Variants in PCYT1B observed in about 807,000 individuals in gnomAD.
The protein encoded by PCYT1B is choline-phosphate cytidylyltransferase B.
In PCYT1B, 10 loss-of-function variants were observed where a neutral mutation model predicts 26.4. The observed-to-expected ratio is 0.38, with a 90% CI of 0.23 to 0.64. The LOEUF is 0.64. Among genes scored for constraint, PCYT1B ranks in the 30% least tolerant of loss-of-function variants. The pLI is 0.56. For synonymous variants in PCYT1B, 131 were observed against 108.4 expected (o/e 1.21, Z -1.29); for missense variants, 161 against 292.7 (o/e 0.55, Z 3.28).
exon 1 of PCYT1B, chrX:24,672,652 A>G (rs1378236049): frequency 8.5e-7 from 1 of 1,170,149 alleles, no homozygotes; most frequent in Non-Finnish European, 1.2e-6. Flanking sequence ...TGATCTTTTT[A>G]TCTTCTCTAG....
At chrX:24,569,362 C>A (rs770791961) in intron 7 of PCYT1B, among the ~76,000 whole-genome samples, 28 of 110,387 alleles carry the variant, frequency 2.5e-4, no homozygotes, top group African/African-American at 9.2e-4. Flanking sequence ...TAAAACTGTG[C>A]GGCCACTATG....
intron 1 of PCYT1B, among the ~76,000 whole-genome samples, chrX:24,653,755 C>CTT (rs761800393): frequency 9.9e-6 from 1 of 100,847 alleles, no homozygotes. Context: ...CCATAAAATT[C>CTT]TTTTTTTTTT....
At chrX:24,640,204 A>G (rs1926422193) in intron 1 of PCYT1B, among the ~76,000 whole-genome samples, 1 of 111,341 alleles carries the variant, frequency 9.0e-6, no homozygotes, top group South Asian at 3.8e-4. Flanking sequence ...ACTGCCATCC[A>G]GCCTCCGCTC....
intron 1 of PCYT1B, among the ~76,000 whole-genome samples, chrX:24,635,867 G>A (rs1926252659): frequency 8.9e-6 from 1 of 111,961 alleles, no homozygotes; most frequent in Non-Finnish European, 1.9e-5. Context: ...CTGATGCAAA[G>A]GCTCTGGGTC....
rs1309205644 is a variant in PCYT1B, at chrX:24,559,412, AAGAAAAAG to A, written c.*2873_*2880del. The A allele has an allele frequency of 3.8e-5, 2 of 53,009 alleles. No homozygotes were observed. Among genetic ancestry groups the A allele is most frequent in the Non-Finnish European group, 7.9e-5 (2 of 25,341 alleles). 4.4% of individuals were successfully genotyped at this position (53,009 alleles called of 1,213,427 possible). On this transcript the variant is annotated 3_prime_UTR_variant, in exon 8 of 8. Coordinates refer to ENST00000379144, the MANE Select transcript of PCYT1B (RefSeq NM_004845.5). Reference sequence around the variant, plus strand: ...GAAAAAGAAAGAAAGAAAAAGAGGAAAGAAAAAGAGAAAGAAGAAAGAAAAAGAAAGAG... The same window carrying A: ...GAAAAAGAAAGAAAGAAAAAGAGGAAAGAAAGAAGAAAGAAAAAGAAAGAG...
chrX:24,566,183 C>T (rs1923623268), intron 7 of PCYT1B, among the ~76,000 whole-genome samples: 1 of 111,913 alleles, frequency 8.9e-6, no homozygotes, highest in Non-Finnish European at 1.9e-5. Flanking sequence ...GATGCAAAAA[C>T]TTCTATTTTC....
intron 1 of PCYT1B, among the ~76,000 whole-genome samples, chrX:24,637,491 A>AAATATATATATATATATATAT: frequency 1.9e-5 from 1 of 52,894 alleles, no homozygotes; most frequent in Non-Finnish European, 2.9e-5. Flanking sequence ...AAAAAAAAAA[A>AAATATATATATATATATATAT]ATATATATAT....
intron 1 of PCYT1B, among the ~76,000 whole-genome samples, chrX:24,654,977 CTAAG>C (rs1204360410): frequency 9.0e-6 from 1 of 111,056 alleles, no homozygotes; most frequent in African/African-American, 3.3e-5. Context: ...CTCTACCATA[CTAAG>C]TAATGAAATC....
At position 24,647,342 on chromosome X, in the gene PCYT1B, G is replaced by T; in HGVS notation, c.-237C>A. On this transcript the variant is annotated 5_prime_UTR_variant, in exon 1 of 8. Transcript: ENST00000379144. ...CAGTTTATCACTATAACAACCAGAC[G>T]ACACTGAAGCGGCTGGTGCGGGATA... 3 of 916,584 alleles carry T rather than the reference G, an allele frequency of 3.3e-6. No homozygotes were observed. The highest frequency in any genetic ancestry group is 4.1e-6 in the Non-Finnish European group (3 of 726,213). The allele number at this position is 916,584 out of a possible 1,213,427, so 75.5% of individuals were successfully genotyped here.
intron 1 of PCYT1B, among the ~76,000 whole-genome samples, chrX:24,654,358 C>T (rs1404800311): frequency 9.5e-6 from 1 of 105,645 alleles, no homozygotes; most frequent in Non-Finnish European, 2.0e-5. Context: ...CCGCCTGCCT[C>T]GGCCTCCCAA....
In PCYT1B at chrX:24,647,179, C is replaced by A; in HGVS notation, c.-74G>T. Reference sequence around the variant, plus strand: ...CAGGCAGAGAATGTTTTCTTTGTCACGTATTTTTCTCCCCTCTACCCTCCA... The same window carrying A: ...CAGGCAGAGAATGTTTTCTTTGTCAAGTATTTTTCTCCCCTCTACCCTCCA... On this transcript the variant is annotated 5_prime_UTR_variant, in exon 1 of 8. Coordinates refer to ENST00000379144, the MANE Select transcript of PCYT1B (RefSeq NM_004845.5). 3 of 1,161,053 alleles carry A rather than the reference C, an allele frequency of 2.6e-6. No homozygotes were observed. Among genetic ancestry groups the A allele is most frequent in the Non-Finnish European group, 3.5e-6 (3 of 869,527 alleles).
intron 7 of PCYT1B, among the ~76,000 whole-genome samples, chrX:24,569,459 G>T (rs766489163): frequency 9.9e-5 from 11 of 111,600 alleles, no homozygotes; most frequent in Non-Finnish European, 1.9e-4. Context: ...ATACCCAAAA[G>T]AATTGAAAGC....
intron 3 of PCYT1B, among the ~76,000 whole-genome samples, chrX:24,598,105 A>T (rs1386778244): frequency 8.9e-6 from 1 of 112,116 alleles, no homozygotes; most frequent in African/African-American, 3.2e-5. Flanking sequence ...ATTTTCTAGA[A>T]TTATCAAATT....
intron 5 of PCYT1B, among the ~76,000 whole-genome samples, chrX:24,582,775 AC>A (rs1924245507): frequency 8.9e-6 from 1 of 112,076 alleles, no homozygotes; most frequent in East Asian, 2.8e-4. Context: ...ATTTAAAGAG[AC>A]TTTTGACTTT....
At chrX:24,616,164 A>C (rs758906843) in intron 2 of PCYT1B, among the ~76,000 whole-genome samples, 1 of 103,368 alleles carries the variant, frequency 9.7e-6, no homozygotes, top group Non-Finnish European at 2.0e-5. Context: ...AGGCCCTTTC[A>C]GTTTGGGCCT....
chrX:24,579,435 T>C lies in PCYT1B; in HGVS notation c.589A>G (p.Thr197Ala), dbSNP rs1924135047. ...EAGMFVPTQR[T>A]EGISTSDIIT... ...ATGTCCGATGTTGAGATGCCTTCTG[T>C]TCTCTGCGTTGGAACGAACATCCCT... Residue 197 changes from threonine to alanine, a missense_variant, in exon 6 of 8, where the codon ACA becomes GCA. Physicochemically the swap from Thr to Ala is moderately conservative, Grantham distance 58. Transcript: ENST00000379144. 1.7e-6 allele frequency: 2 copies of C among 1,207,962 alleles called. No individual in the cohort carries two copies. The highest frequency in any genetic ancestry group is 1.8e-5 in the African/African-American group (1 of 56,990).
chrX:24,644,175 C>G (rs1336777820), intron 1 of PCYT1B, among the ~76,000 whole-genome samples: 7 of 112,012 alleles, frequency 6.2e-5, no homozygotes, highest in Admixed American at 4.8e-4. Flanking sequence ...AAAGTAAGAT[C>G]ATTAGCAAAG....
chrX:24,656,401 G>A (rs886478953), intron 1 of PCYT1B, among the ~76,000 whole-genome samples: 2 of 109,028 alleles, frequency 1.8e-5, no homozygotes, highest in East Asian at 2.8e-4. Context: ...GAGAAACTGC[G>A]CAGACCCAAC....
intron 1 of PCYT1B, among the ~76,000 whole-genome samples, chrX:24,625,343 T>C (rs1429711560): frequency 9.0e-6 from 1 of 111,729 alleles, no homozygotes; most frequent in African/African-American, 3.3e-5. Context: ...ACCTTATTTA[T>C]TGTGGAGTCA....
Sources: gnomAD v4.1 joint callset for allele counts (sites outside exome capture counted in the v4.1 genomes callset) on GRCh38, gnomAD v4.1.1 for gene constraint, MANE v1.5 for transcripts, NCBI Gene and HGNC (gene_info 2026-07-23, HGNC 2026-07-21) for gene names.